The following THSD7B variants were observed in gnomAD, a reference collection of about 807,000 sequenced individuals.
THSD7B encodes thrombospondin type-1 domain-containing protein 7B.
THSD7B carries 138 observed loss-of-function variants against 213.6 expected under a neutral mutation model. That is an observed-to-expected ratio of 0.65 (90% CI 0.56 to 0.74). The LOEUF is 0.74. THSD7B is among the 30% of genes least tolerant of loss of function. THSD7B has a pLI of 0.00. For synonymous variants in THSD7B, 742 were observed against 687.0 expected, an observed-to-expected ratio of 1.08 and a Z score of -1.25; for missense variants, 1,931 against 1,991.5, an observed-to-expected ratio of 0.97 and a Z score of 0.58.
intron 2 of THSD7B, among the ~76,000 whole-genome samples, chr2:136,949,672 G>A (rs997014779): frequency 2.6e-5 from 4 of 152,202 alleles, no homozygotes; most frequent in Admixed American, 2.6e-4. Context: ...AGAATCGCCA[G>A]TGAGATTTAA....
chr2:137,557,386 A>C (rs1680998497), intron 15 of THSD7B, among the ~76,000 whole-genome samples: 1 of 152,182 alleles, frequency 6.6e-6, no homozygotes, highest in Non-Finnish European at 1.5e-5. Context: ...GGATTAAGAA[A>C]CTCACTTAAA....
At chr2:136,831,146 TAGCCATATTCAATTTTCCAATGGGA>T (rs1682748161) in intron 1 of THSD7B, among the ~76,000 whole-genome samples, 1 of 150,174 alleles carries the variant, frequency 6.7e-6, no homozygotes, top group Non-Finnish European at 1.5e-5. Context: ...TTTTTTTTTT[TAGCCATATTCAATTTTCCAATGGGA>T]TTTTCATCCT....
At chr2:136,829,259 G>A (rs928232149) in intron 1 of THSD7B, among the ~76,000 whole-genome samples, 2 of 151,882 alleles carry the variant, frequency 1.3e-5, no homozygotes, top group East Asian at 1.9e-4. Flanking sequence ...GAAGATCAGT[G>A]TACCTTTGTT....
intron 7 of THSD7B, among the ~76,000 whole-genome samples, chr2:137,223,700 C>G (rs547617419): frequency 1.8e-4 from 27 of 152,224 alleles, no homozygotes; most frequent in African/African-American, 6.3e-4. Context: ...TGACTGGACC[C>G]CCTCAATGTA....
At chr2:136,901,845 G>T (rs967645196) in intron 2 of THSD7B, among the ~76,000 whole-genome samples, 1 of 152,154 alleles carries the variant, frequency 6.6e-6, no homozygotes, top group Non-Finnish European at 1.5e-5. Context: ...AGGCTTCACC[G>T]TCTCTTATTT....
At chr2:137,224,918 G>T (rs1681460767) in intron 7 of THSD7B, among the ~76,000 whole-genome samples, 1 of 152,014 alleles carries the variant, frequency 6.6e-6, no homozygotes, top group African/African-American at 2.4e-5. Flanking sequence ...TGTTTATTTG[G>T]AAATATTTTT....
At chr2:137,153,106 G>C (rs901775421) in intron 5 of THSD7B, among the ~76,000 whole-genome samples, 1 of 152,134 alleles carries the variant, frequency 6.6e-6, no homozygotes, top group Non-Finnish European at 1.5e-5. Context: ...TATGATAATA[G>C]AAACATGAAT....
chr2:137,630,753 C>T (rs1318623228), intron 20 of THSD7B, among the ~76,000 whole-genome samples: 5 of 152,092 alleles, frequency 3.3e-5, no homozygotes, highest in African/African-American at 7.2e-5. Flanking sequence ...TTGTAGGAGC[C>T]GCTTTCTCTT....
intron 7 of THSD7B, among the ~76,000 whole-genome samples, chr2:137,221,290 A>G (rs1681364889): frequency 6.6e-6 from 1 of 152,022 alleles, no homozygotes; most frequent in East Asian, 1.9e-4. Context: ...CCGTCTCAAA[A>G]AAAACAAAAA....
At chr2:136,905,435 A>T (rs496736) in intron 2 of THSD7B, among the ~76,000 whole-genome samples, 1 of 152,064 alleles carries the variant, frequency 6.6e-6, no homozygotes, top group Non-Finnish European at 1.5e-5. Context: ...ACGAAGACAA[A>T]GGTTTTGTGA....
intron 2 of THSD7B, among the ~76,000 whole-genome samples, chr2:136,929,069 G>T: frequency 6.6e-6 from 1 of 152,154 alleles, no homozygotes; most frequent in Non-Finnish European, 1.5e-5. Context: ...CATGAAAAAC[G>T]TAACAGATTG....
chr2:137,673,022 T>G (rs1355762273), intron 27 of THSD7B, among the ~76,000 whole-genome samples: 2 of 152,190 alleles, frequency 1.3e-5, no homozygotes, highest in Non-Finnish European at 2.9e-5. Flanking sequence ...TGTAATGCAT[T>G]CTTATTCTTC....
chr2:136,885,682 G>T (rs1236031475), intron 2 of THSD7B, among the ~76,000 whole-genome samples: 1 of 152,068 alleles, frequency 6.6e-6, no homozygotes, highest in African/African-American at 2.4e-5. Flanking sequence ...CCTCAGTTTT[G>T]GTTCTAAGAG....
chr2:137,638,479 T>G (rs536586335), intron 20 of THSD7B, among the ~76,000 whole-genome samples: 1 of 152,212 alleles, frequency 6.6e-6, no homozygotes, highest in Non-Finnish European at 1.5e-5. Context: ...CCTCGTTTTC[T>G]TCCCAGTCTT....
At chr2:137,475,042 C>T (rs1027424151) in intron 15 of THSD7B, among the ~76,000 whole-genome samples, 6 of 152,180 alleles carry the variant, frequency 3.9e-5, no homozygotes, top group Non-Finnish European at 7.4e-5. Flanking sequence ...TCTTTTCAGA[C>T]AGGCCAGTGA....
chr2:136,982,897 T>C (rs1030719020), intron 2 of THSD7B, among the ~76,000 whole-genome samples: 3 of 152,128 alleles, frequency 2.0e-5, no homozygotes, highest in Non-Finnish European at 4.4e-5. Context: ...TTCTGAATAA[T>C]CCAAAAATTA....
chr2:137,502,309 AAC>A (rs1295995824), intron 15 of THSD7B, among the ~76,000 whole-genome samples: 3 of 152,016 alleles, frequency 2.0e-5, no homozygotes, highest in Non-Finnish European at 4.4e-5. Flanking sequence ...TAGATAGATA[AAC>A]ACACACGTAT....
intron 12 of THSD7B, among the ~76,000 whole-genome samples, chr2:137,307,772 G>A (rs765776919): frequency 1.1e-4 from 16 of 152,064 alleles, no homozygotes; most frequent in Non-Finnish European, 1.5e-4. Context: ...CATAAATTAC[G>A]TTCTTCTTAG....
chr2:137,332,479 G>T (rs1025337541), intron 12 of THSD7B, among the ~76,000 whole-genome samples: 2 of 152,132 alleles, frequency 1.3e-5, no homozygotes, highest in African/African-American at 4.8e-5. Flanking sequence ...GAAAGGATTT[G>T]CTTTGTCTTA....
Sources: gnomAD v4.1 joint callset for allele counts (sites outside exome capture counted in the v4.1 genomes callset) on GRCh38, gnomAD v4.1.1 for gene constraint, MANE v1.5 for transcripts, NCBI Gene and HGNC (gene_info 2026-07-23, HGNC 2026-07-21) for gene names.